POLR2B: variants seen among roughly 807,000 people sequenced by gnomAD.
The protein encoded by POLR2B is DNA-directed RNA polymerase II subunit RPB2.
Under a neutral mutation model 144.6 loss-of-function variants are expected in POLR2B, and 57 were observed. The observed-to-expected ratio is 0.39, with a 90% CI of 0.32 to 0.49. The LOEUF is 0.49. Ranked by LOEUF, POLR2B falls within the 20% of genes least tolerant of loss-of-function variation. The pLI, the probability that POLR2B is intolerant of heterozygous loss-of-function variation, is 0.83. For missense variants in POLR2B, 595 were observed against 1,467.4 expected, an observed-to-expected ratio of 0.41 and a Z score of 9.71; for synonymous variants, 442 against 469.8, an observed-to-expected ratio of 0.94 and a Z score of 0.77.
intron 13 of POLR2B, among the ~76,000 whole-genome samples, chr4:57,011,878 GC>G (rs1723198978): frequency 6.6e-6 from 1 of 152,042 alleles, no homozygotes; most frequent in South Asian, 2.1e-4. Context: ...AAAAATTTTG[GC>G]ACATTTTAAA....
intron 23 of POLR2B, 112 bp downstream of exon 23, chr4:57,025,649 A>G: frequency 1.5e-6 from 1 of 649,550 alleles, no homozygotes; most frequent in Non-Finnish European, 2.7e-6. Flanking sequence ...TGTTACCCCC[A>G]TTTCAACAAT....
chr4:57,001,428 T>A (rs569248618), intron 7 of POLR2B, among the ~76,000 whole-genome samples: 1 of 152,352 alleles, frequency 6.6e-6, no homozygotes, highest in African/African-American at 2.4e-5. Flanking sequence ...TCCCAAGTGC[T>A]GGGATTACAG....
chr4:57,011,298 G>C (rs1323310581), intron 13 of POLR2B, among the ~76,000 whole-genome samples, 198 bp downstream of exon 13: 4 of 152,142 alleles, frequency 2.6e-5, no homozygotes, highest in African/African-American at 9.7e-5. Flanking sequence ...GGGAGGCCGA[G>C]GCGCAGATCA....
At chr4:57,000,255 C>A (rs939084198) in intron 7 of POLR2B, among the ~76,000 whole-genome samples, 2 of 152,140 alleles carry the variant, frequency 1.3e-5, no homozygotes, top group African/African-American at 4.8e-5. Flanking sequence ...CACAGGGAGA[C>A]CTGTCTCTAC....
At chr4:57,025,223 C>T (rs1477734269) in intron 22 of POLR2B, among the ~76,000 whole-genome samples, 154 bp from the exon 23 acceptor site, 1 of 152,080 alleles carries the variant, frequency 6.6e-6, no homozygotes, top group Non-Finnish European at 1.5e-5. Flanking sequence ...CTTTCCACTC[C>T]CACCCCAAGC....
At chr4:57,001,988 G>A (rs1722868761) in intron 7 of POLR2B, among the ~76,000 whole-genome samples, 1 of 152,054 alleles carries the variant, frequency 6.6e-6, no homozygotes, top group Non-Finnish European at 1.5e-5. Flanking sequence ...AGAAAATTGG[G>A]TTCTGGTTAG....
intron 1 of POLR2B, among the ~76,000 whole-genome samples, chr4:56,979,894 CT>C (rs1722101698): frequency 1.6e-5 from 1 of 64,396 alleles, no homozygotes. Context: ...GTTAGACTGT[CT>C]CAAAAAAAAA....
intron 11 of POLR2B, 23 bp downstream of exon 11, chr4:57,010,527 C>G: frequency 6.3e-7 from 1 of 1,596,598 alleles, no homozygotes. Flanking sequence ...AATTTACATT[C>G]AGGACAAAAA....
In POLR2B at chr4:57,031,066, A is replaced by T; in HGVS notation, c.*78A>T. On this transcript the variant is annotated 3_prime_UTR_variant, in exon 25 of 25. Coordinates refer to ENST00000314595, the MANE Select transcript of POLR2B (RefSeq NM_000938.3). ...TTGTGTGGCTTTTTAAAAATGACAA[A>T]TATGTACTGTGTTGTGATAAAAAGT... is the stretch of plus-strand genomic sequence containing the variant. 1 of 906,388 alleles carries T rather than the reference A, an allele frequency of 1.1e-6. No homozygotes were observed. Among genetic ancestry groups the T allele is most frequent in the East Asian group, 2.4e-5 (1 of 41,594 alleles). The allele number at this position is 906,388 out of a possible 1,614,324, so 56.1% of individuals were successfully genotyped here. A position where few individuals can be genotyped will look rare whatever the true frequency, so the allele number is the denominator to read the frequency against.
chr4:57,005,709 T>C lies in POLR2B; in HGVS notation c.1207T>C (p.Leu403=). The change falls in exon 9 of 25, where the codon TTA becomes CTA. Residue 403 remains leucine (L), a synonymous_variant. Coordinates refer to ENST00000314595, the MANE Select transcript of POLR2B (RefSeq NM_000938.3). ...TCTTGCTGGGCCGCTGCTTGCATTC[T>C]TATTTAGAGGGTAAGGAATTACAGA... The part of the protein sequence containing the change: ...LDLAGPLLAF[L]FRGMFKNLLK... 1 of 1,611,974 alleles carries C rather than the reference T, an allele frequency of 6.2e-7. No homozygotes were observed. The highest frequency in any genetic ancestry group is 8.5e-7 in the Non-Finnish European group (1 of 1,179,204).
chr4:56,995,255 T>C lies in POLR2B; in HGVS notation c.581T>C (p.Leu194Pro). 6.2e-7 allele frequency: 1 copy of C among 1,605,238 alleles called. No homozygotes were observed. Among genetic ancestry groups the C allele is most frequent in the Non-Finnish European group, 8.5e-7 (1 of 1,173,532 alleles). ...ACTTTCTTATTGTCCAAATAGGTTC[T>C]GATTGCCCAAGAGAAAATGGCAACA... The part of the protein sequence containing the change: ...YFIINGSEKV[L>P]IAQEKMATNT... The change falls in exon 6 of 25, where the codon CTG becomes CCG. Residue 194 changes from leucine (L) to proline (P), a missense_variant. Transcript: ENST00000314595.
chr4:57,025,289 A>G, intron 22 of POLR2B, 88 bp from the exon 23 acceptor site: 6 of 937,774 alleles, frequency 6.4e-6, no homozygotes, highest in Non-Finnish European at 8.4e-6. Flanking sequence ...TAATTTTTAT[A>G]TAAATGGAGT....
In POLR2B at chr4:57,022,189, A is replaced by G. The variant is rs1179604467; in HGVS notation, c.2458A>G (p.Lys820Glu). The part of the protein sequence containing the change: ...FYRSYKEQES[K>E]KGFDQEEVFE... ...TCGCTCATACAAAGAACAGGAGTCT[A>G]AAAAAGGATTTGATCAAGAAGAAGT... Residue 820 changes from lysine (K) to glutamate (E), a missense_variant, in exon 18 of 25, where the codon AAA (lysine) becomes GAA (glutamate). Around this residue, in one of 9 missense-constraint regions of POLR2B, gnomAD observed 75 missense variants for 100.0 expected, o/e 0.75. Transcript: ENST00000314595. 1 of 1,610,748 alleles carries G rather than the reference A, an allele frequency of 6.2e-7. No individual in the cohort carries two copies. The highest frequency in any genetic ancestry group is 8.5e-7 in the Non-Finnish European group (1 of 1,177,202).
chr4:56,984,607 A>T (rs766434228), intron 1 of POLR2B, among the ~76,000 whole-genome samples: 2 of 152,214 alleles, frequency 1.3e-5, no homozygotes, highest in African/African-American at 2.4e-5. Context: ...TTAATCTCTC[A>T]TCAAAGCTAG....
chr4:56,994,384 G>T lies in POLR2B; in HGVS notation c.244-20G>T. 7.8e-7 allele frequency: 1 copy of T among 1,275,896 alleles called. No individual in the cohort carries two copies. Among genetic ancestry groups the T allele is most frequent in the Non-Finnish European group, 1.1e-6 (1 of 885,962 alleles). The allele number at this position is 1,275,896 out of a possible 1,614,324, so 79.0% of individuals were successfully genotyped here. A position where few individuals can be genotyped will look rare whatever the true frequency, so the allele number is the denominator to read the frequency against. ...GGAAAAAATTATTTACCCTTTTCAT[G>T]TTTTTTTGTTTAATTTCAGCCACGA... On this transcript the variant is annotated intron_variant, in intron 3 of 24. Transcript: ENST00000314595.
chr4:57,007,117 AACT>A (rs1723042753), intron 10 of POLR2B, 115 bp downstream of exon 10: 4 of 769,794 alleles, frequency 5.2e-6, no homozygotes, highest in Non-Finnish European at 8.3e-6. Context: ...TCAAAGGTAA[AACT>A]ACTGGGTGCC....
intron 6 of POLR2B, among the ~76,000 whole-genome samples, chr4:56,997,535 A>G (rs1170745854): frequency 6.6e-6 from 1 of 152,196 alleles, no homozygotes; most frequent in Non-Finnish European, 1.5e-5. Context: ...GGCATGAGCC[A>G]CCGCCCCTGA....
intron 7 of POLR2B, among the ~76,000 whole-genome samples, chr4:57,004,777 C>T (rs984973934): frequency 1.3e-5 from 2 of 152,178 alleles, no homozygotes; most frequent in Non-Finnish European, 1.5e-5. Flanking sequence ...CTCTGCCTCC[C>T]GGGTTCAAGC....
chr4:57,007,088 T>G (rs1378923178), intron 10 of POLR2B, 86 bp downstream of exon 10: 1 of 1,043,728 alleles, frequency 9.6e-7, no homozygotes, highest in Non-Finnish European at 1.4e-6. Context: ...ATATAAATTA[T>G]TTTGCTTTTC....
Sources: allele counts gnomAD v4.1 joint callset (sites outside exome capture counted in the v4.1 genomes callset), GRCh38; gene constraint gnomAD v4.1.1; regional missense constraint gnomAD v4.1.1; transcripts MANE v1.5; gene names NCBI Gene and HGNC (gene_info 2026-07-23, HGNC 2026-07-21).